CDK17: variants seen among roughly 807,000 people sequenced by gnomAD.
The protein encoded by CDK17 is cyclin dependent kinase 17.
CDK17 carries 24 observed loss-of-function variants against 77.6 expected under a neutral mutation model. That is an observed-to-expected ratio of 0.31 (90% CI 0.22 to 0.44). The LOEUF (loss-of-function observed/expected upper bound fraction) is 0.44. Ranked by LOEUF, CDK17 falls within the 20% of genes least tolerant of loss-of-function variation. The probability of loss-of-function intolerance (pLI) is 1.00; values close to 1 mark genes in which losing one functional copy is unlikely to be tolerated. For missense variants in CDK17, 429 were observed against 622.5 expected, an observed-to-expected ratio of 0.69 and a Z score of 3.31; for synonymous variants, 203 against 210.4, an observed-to-expected ratio of 0.96 and a Z score of 0.30.
intron 1 of CDK17, among the ~76,000 whole-genome samples, chr12:96,399,761 G>A (rs978492210): frequency 2.6e-5 from 4 of 152,036 alleles, no homozygotes; most frequent in Non-Finnish European, 4.4e-5. Flanking sequence ...CCCCACCCGA[G>A]CCCCGGAAAT....
intron 1 of CDK17, among the ~76,000 whole-genome samples, chr12:96,377,782 C>G (rs955457937): frequency 8.6e-5 from 13 of 151,362 alleles, no homozygotes; most frequent in Admixed American, 7.9e-4. Flanking sequence ...CAAGCTCCCC[C>G]TCCCGGGTTC....
In CDK17 at chr12:96,304,225, AGAGT is replaced by A. The variant is rs555352629; in HGVS notation, c.544-3869_544-3866del. On this transcript the variant is annotated intron_variant, in intron 5 of 16. Transcript: ENST00000261211. ...CAGAGGATCCATAGATGACATTTTA[AGAGT>A]GAGTATATATTAATACATAAGAAAC... 9.2e-5 allele frequency among the ~76,000 whole-genome samples: 14 copies of A among 152,294 alleles called. 2 individuals carry two copies. In the South Asian group the frequency reaches 2.9e-3, roughly 32 times the overall value.
intron 6 of CDK17, among the ~76,000 whole-genome samples, chr12:96,299,614 C>A (rs1254590768): frequency 1.3e-5 from 2 of 152,156 alleles, no homozygotes; most frequent in Non-Finnish European, 2.9e-5. Flanking sequence ...TGGTCTCGAA[C>A]TCCTGACCTC....
chr12:96,299,301 C>T (rs959136255), intron 6 of CDK17, among the ~76,000 whole-genome samples: 2 of 152,004 alleles, frequency 1.3e-5, no homozygotes, highest in Admixed American at 6.6e-5. Context: ...GGTGCTTTAC[C>T]TGCAATGGTA....
chr12:96,376,447 C>T (rs1288283516), intron 1 of CDK17, among the ~76,000 whole-genome samples: 1 of 152,134 alleles, frequency 6.6e-6, no homozygotes, highest in East Asian at 1.9e-4. Context: ...TATCAACACC[C>T]ACATGGCCCC....
intron 1 of CDK17, among the ~76,000 whole-genome samples, chr12:96,383,983 T>C (rs1953928160): frequency 6.6e-6 from 1 of 151,954 alleles, no homozygotes; most frequent in Admixed American, 6.6e-5. Flanking sequence ...GCCTTCAGAA[T>C]GGGAGAAAAG....
intron 1 of CDK17, among the ~76,000 whole-genome samples, chr12:96,374,631 C>T (rs1020074163): frequency 5.9e-5 from 9 of 152,184 alleles, no homozygotes; most frequent in African/African-American, 1.7e-4. Context: ...TAGTCAAATG[C>T]CCCTTCTTCC....
intron 10 of CDK17, among the ~76,000 whole-genome samples, chr12:96,293,196 A>G (rs1952350558): frequency 6.6e-6 from 1 of 152,160 alleles, no homozygotes; most frequent in Admixed American, 6.5e-5. Context: ...ACATTTTTGT[A>G]AATCTCTTTT....
chr12:96,347,679 A>C (rs1305948612), intron 1 of CDK17, among the ~76,000 whole-genome samples: 1 of 150,724 alleles, frequency 6.6e-6, no homozygotes, highest in African/African-American at 2.4e-5. Context: ...GGACTTGAAC[A>C]GCACTATATA....
chr12:96,298,485 A>G (rs1489244352), intron 7 of CDK17, among the ~76,000 whole-genome samples: 1 of 152,092 alleles, frequency 6.6e-6, no homozygotes, highest in Non-Finnish European at 1.5e-5. Context: ...CCACATTACT[A>G]ATCAGTTGCC....
rs908235189 is a variant in CDK17, at chr12:96,279,237, CTT to C, written c.*1003_*1004del. On this transcript the variant is annotated 3_prime_UTR_variant, in exon 17 of 17. Coordinates refer to ENST00000261211, the MANE Select transcript of CDK17 (RefSeq NM_002595.5). Reference sequence around the variant, plus strand: ...AGCAATCCTGTAAGTTCTCATTTCTCTTGTTTGTAATTTATCATGGCTCATTT... The same window carrying C: ...AGCAATCCTGTAAGTTCTCATTTCTCGTTTGTAATTTATCATGGCTCATTT... 6.6e-5 allele frequency: 10 copies of C among 152,178 alleles called. No homozygotes were observed. The highest frequency in any genetic ancestry group is 1.0e-4 in the Non-Finnish European group (7 of 68,022). 9.4% of individuals were successfully genotyped at this position (152,178 alleles called of 1,614,324 possible). A position where few individuals can be genotyped will look rare whatever the true frequency, so the allele number is the denominator to read the frequency against.
rs1012411655 is a variant in CDK17, at chr12:96,387,496, A to T, written c.-30+12490T>A. Among the ~76,000 whole-genome samples the T allele has an allele frequency of 2.0e-5, 3 of 152,212 alleles. No individual in the cohort carries two copies. In the East Asian group the frequency reaches 5.8e-4, roughly 29 times the overall value. The stretch of plus-strand genomic sequence containing the variant: ...GTCAACAAGAATGATTCTGAAGTTG[A>T]GGTTAAAGCCATTACTCTGGAATAA... On this transcript the variant is annotated intron_variant, in intron 1 of 16. Transcript: ENST00000261211.
At chr12:96,334,947 TC>T (rs1565824547) in intron 1 of CDK17, 82 bp from the exon 2 acceptor site, 1 of 697,534 alleles carries the variant, frequency 1.4e-6, no homozygotes, top group Non-Finnish European at 2.6e-6. Flanking sequence ...TTACTGGAAA[TC>T]TTTAAAATAG....
chr12:96,308,229 T>TAAAAAAAAAAAAAAAAAAAA (rs61572243), intron 5 of CDK17, among the ~76,000 whole-genome samples: 10 of 63,752 alleles, frequency 1.6e-4, no homozygotes, highest in Non-Finnish European at 2.5e-4. Flanking sequence ...ATGCCATCTC[T>TAAAAAAAAAAAAAAAAAAAA]AAAAAAAAAA....
intron 1 of CDK17, among the ~76,000 whole-genome samples, chr12:96,353,894 T>C (rs1358444080): frequency 2.0e-5 from 3 of 152,140 alleles, no homozygotes; most frequent in Admixed American, 1.3e-4. Context: ...TTGGAACAAA[T>C]TTAATCTAGA....
intron 5 of CDK17, among the ~76,000 whole-genome samples, chr12:96,308,229 T>TAAAAAAAAAAAAAA (rs61572243): frequency 9.4e-5 from 6 of 63,756 alleles, no homozygotes; most frequent in African/African-American, 2.3e-4. Context: ...ATGCCATCTC[T>TAAAAAAAAAAAAAA]AAAAAAAAAA....
chr12:96,353,287 T>C (rs1215464225), intron 1 of CDK17, among the ~76,000 whole-genome samples: 1 of 152,216 alleles, frequency 6.6e-6, no homozygotes, highest in African/African-American at 2.4e-5. Context: ...GATCCATTTA[T>C]ATAAATAAAT....
intron 13 of CDK17, 28 bp from the exon 14 acceptor site, chr12:96,283,673 T>A: frequency 6.6e-7 from 1 of 1,508,700 alleles, no homozygotes. Context: ...CAAGTAAAAA[T>A]TTATGCTCTC....
At chr12:96,334,983 C>T (rs1315012247) in intron 1 of CDK17, 118 bp from the exon 2 acceptor site, 1 of 687,436 alleles carries the variant, frequency 1.5e-6, no homozygotes, top group Non-Finnish European at 2.6e-6. Flanking sequence ...ATTCTCACTT[C>T]TGCCAAACAT....
Sources: allele counts gnomAD v4.1 joint callset (sites outside exome capture counted in the v4.1 genomes callset), GRCh38; gene constraint gnomAD v4.1.1; transcripts MANE v1.5; gene names NCBI Gene and HGNC (gene_info 2026-07-23, HGNC 2026-07-21).